The following C1orf87 variants were observed in gnomAD, a reference collection of about 807,000 sequenced individuals.
C1orf87 encodes the protein chromosome 1 open reading frame 87, also known as uncharacterized protein C1orf87.
A neutral mutation model predicts 60.5 loss-of-function variants in C1orf87; 58 were observed. The ratio of observed to expected loss-of-function variants is 0.96; its 90% CI spans 0.78 to 1.19. The LOEUF is 1.19. Ranked by LOEUF, C1orf87 falls within the 50% of genes most tolerant of loss-of-function variation. The pLI is 0.00. For missense variants in C1orf87, 673 were observed against 638.6 expected (o/e 1.05, Z -0.58); for synonymous variants, 236 against 227.4 (o/e 1.04, Z -0.34).
chr1:60,065,872 T>A (rs1465766536), intron 2 of C1orf87, among the ~76,000 whole-genome samples: 1 of 152,120 alleles, frequency 6.6e-6, no homozygotes, highest in African/African-American at 2.4e-5. Context: ...CCTCAGTGAT[T>A]TGTGGTTTAG....
At chr1:59,998,136 G>A (rs903313432) in intron 10 of C1orf87, among the ~76,000 whole-genome samples, 2 of 139,256 alleles carry the variant, frequency 1.4e-5, no homozygotes, top group African/African-American at 5.3e-5. Context: ...TTTTGTACTA[G>A]TGGGGTCTGC....
chr1:60,064,778 T>G (rs1443408646), intron 2 of C1orf87, among the ~76,000 whole-genome samples: 3 of 94,742 alleles, frequency 3.2e-5, no homozygotes, highest in East Asian at 2.7e-4. Flanking sequence ...ATATTTAATA[T>G]ATAAATATAT....
intron 8 of C1orf87, among the ~76,000 whole-genome samples, chr1:60,017,356 G>A (rs574525279): frequency 1.3e-5 from 2 of 152,160 alleles, no homozygotes; most frequent in South Asian, 2.1e-4. Context: ...AAATCCTCTG[G>A]TTGTTCCTGG....
At chr1:60,040,330 A>G in intron 4 of C1orf87, 150 bp from the exon 5 acceptor site, 1 of 961,622 alleles carries the variant, frequency 1.0e-6, no homozygotes, top group Non-Finnish European at 1.5e-6. Flanking sequence ...ACTGAAGGTG[A>G]GCATTCAATC....
At chr1:60,024,563 T>C (rs1426945501) in intron 8 of C1orf87, among the ~76,000 whole-genome samples, 1 of 152,182 alleles carries the variant, frequency 6.6e-6, no homozygotes, top group Non-Finnish European at 1.5e-5. Flanking sequence ...TAAGGGTAAC[T>C]CTTGGAAATC....
At chr1:60,025,160 T>C (rs1021743491) in intron 8 of C1orf87, among the ~76,000 whole-genome samples, 7 of 152,200 alleles carry the variant, frequency 4.6e-5, no homozygotes, top group Admixed American at 2.6e-4. Context: ...TCTTCCTGAC[T>C]TACAGATGGC....
At chr1:60,070,276 T>C (rs2100338244) in intron 2 of C1orf87, among the ~76,000 whole-genome samples, 1 of 152,346 alleles carries the variant, frequency 6.6e-6, no homozygotes, top group East Asian at 1.9e-4. Context: ...TAAATGTGGT[T>C]ATACAGAAGA....
chr1:60,010,498 T>A lies in C1orf87; in HGVS notation c.1128-42A>T, dbSNP rs373835896. The A allele has an allele frequency of 1.1e-4, 173 of 1,528,428 alleles. 1 individual carries two copies. The highest frequency in any genetic ancestry group is 3.4e-5 in the Non-Finnish European group (38 of 1,102,880). The allele number at this position is 1,528,428 out of a possible 1,614,324, so 94.7% of individuals were successfully genotyped here. On this transcript the variant is annotated intron_variant, in intron 8 of 11. Coordinates refer to ENST00000371201, the MANE Select transcript of C1orf87 (RefSeq NM_152377.3). The stretch of plus-strand genomic sequence containing the variant: ...AACATAAATTGGTGATCAATATGAT[T>A]GCCCTGAAAGAATGTCCAGTGAAGC...
At chr1:60,041,594 T>C (rs1645325402) in intron 3 of C1orf87, among the ~76,000 whole-genome samples, 1 of 152,214 alleles carries the variant, frequency 6.6e-6, no homozygotes, top group Admixed American at 6.5e-5. Flanking sequence ...TACAATAGCA[T>C]AAATGATAGA....
intron 2 of C1orf87, among the ~76,000 whole-genome samples, chr1:60,056,878 C>A (rs1240141773): frequency 6.6e-6 from 1 of 152,130 alleles, no homozygotes; most frequent in Non-Finnish European, 1.5e-5. Flanking sequence ...CATTTACAAG[C>A]ATATCATGTT....
At chr1:59,992,228 T>TTATA (rs1644929095) in intron 11 of C1orf87, among the ~76,000 whole-genome samples, 1 of 85,958 alleles carries the variant, frequency 1.2e-5, no homozygotes, top group Non-Finnish European at 2.6e-5. Flanking sequence ...AGGGGTCTAT[T>TTATA]TATTTATTTA....
At chr1:60,019,349 G>C (rs1467460742) in intron 8 of C1orf87, among the ~76,000 whole-genome samples, 1 of 152,138 alleles carries the variant, frequency 6.6e-6, no homozygotes, top group Non-Finnish European at 1.5e-5. Context: ...TGGCCACTCA[G>C]CCATCCTTCC....
At chr1:59,997,427 T>C (rs1414354473) in intron 11 of C1orf87, among the ~76,000 whole-genome samples, 182 bp downstream of exon 11, 5 of 152,178 alleles carry the variant, frequency 3.3e-5, no homozygotes, top group Non-Finnish European at 4.4e-5. Flanking sequence ...TTATAAGCAA[T>C]CTGGTATGGG....
At chr1:60,021,041 C>A (rs1645159686) in intron 8 of C1orf87, among the ~76,000 whole-genome samples, 1 of 152,150 alleles carries the variant, frequency 6.6e-6, no homozygotes, top group Admixed American at 6.5e-5. Context: ...CACTTCCCCC[C>A]TCACTGTCTC....
chr1:60,004,932 T>TTTTTTTTTTTTTTTTTGAGACAG (rs1273968906), intron 9 of C1orf87, among the ~76,000 whole-genome samples: 1 of 151,766 alleles, frequency 6.6e-6, no homozygotes, highest in Admixed American at 6.6e-5. Flanking sequence ...TGGGCAGCTT[T>TTTTTTTTTTTTTTTTTGAGACAG]AAAAATTACC....
At position 60,025,394 on chromosome 1, in the gene C1orf87, G is replaced by C; in HGVS notation, c.1127+7C>G. ...AAACATTCAGTTCTTAATAAGAGTT[G>C]ACTTACTTTATTTCATTTTGGTAAC... On this transcript the variant is annotated splice_region_variant and intron_variant, in intron 8 of 11. Transcript: ENST00000371201. 1 of 1,603,298 alleles carries C rather than the reference G, an allele frequency of 6.2e-7. No individual in the cohort carries two copies. Among genetic ancestry groups the C allele is most frequent in the Non-Finnish European group, 8.5e-7 (1 of 1,171,036 alleles).
At chr1:60,060,550 T>G (rs1414981472) in intron 2 of C1orf87, among the ~76,000 whole-genome samples, 3 of 152,140 alleles carry the variant, frequency 2.0e-5, no homozygotes, top group East Asian at 1.9e-4. Flanking sequence ...AAAACTAAAG[T>G]TCAAAAAGTA....
At chr1:60,042,614 A>G (rs1322295370) in intron 3 of C1orf87, among the ~76,000 whole-genome samples, 1 of 151,858 alleles carries the variant, frequency 6.6e-6, no homozygotes, top group Non-Finnish European at 1.5e-5. Flanking sequence ...TACTCTGTAC[A>G]AGGCACCACA....
chr1:60,049,576 C>A (rs111468582), intron 3 of C1orf87, among the ~76,000 whole-genome samples: 23 of 152,112 alleles, frequency 1.5e-4, no homozygotes, highest in Middle Eastern at 6.8e-3. Flanking sequence ...AGGTGTCTGG[C>A]CCTTATGGTG....
Sources: allele counts gnomAD v4.1 joint callset (sites outside exome capture counted in the v4.1 genomes callset), GRCh38; gene constraint gnomAD v4.1.1; transcripts MANE v1.5; gene names NCBI Gene and HGNC (gene_info 2026-07-23, HGNC 2026-07-21).